The following CERS2 variants were observed in gnomAD, a reference collection of about 807,000 sequenced individuals.
CERS2 encodes the protein LAG1 homolog, ceramide synthase 2.
Under a neutral mutation model 56.6 loss-of-function variants are expected in CERS2, and 20 were observed. That is an observed-to-expected ratio of 0.35 (90% CI 0.25 to 0.51). The LOEUF is 0.51. Ranked by LOEUF, CERS2 falls within the 20% of genes least tolerant of loss-of-function variation. The pLI, the probability that CERS2 is intolerant of heterozygous loss-of-function variation, is 0.96. For synonymous variants in CERS2, 187 were observed against 175.4 expected (o/e 1.07, Z -0.52); for missense variants, 361 against 488.6 (o/e 0.74, Z 2.46).
intron 1 of CERS2, among the ~76,000 whole-genome samples, chr1:150,973,674 C>G (rs1671239233): frequency 1.3e-5 from 2 of 152,216 alleles, no homozygotes; most frequent in Admixed American, 1.3e-4. Flanking sequence ...CGGCAGCAAC[C>G]GCCACCCACC....
rs1341678888 is a variant in CERS2, at chr1:150,966,101, G to A, written c.*47C>T. ...ACCCTATAGCGCAGGGAGCGGGGTA[G>A]TTCCTTGGCTTTATGCATTAATCTG... On this transcript the variant is annotated 3_prime_UTR_variant, in exon 11 of 11. Coordinates refer to ENST00000368954, the MANE Select transcript of CERS2 (RefSeq NM_022075.5). 3 of 1,587,374 alleles carry A rather than the reference G, an allele frequency of 1.9e-6. No individual in the cohort carries two copies. The highest frequency in any genetic ancestry group is 2.6e-6 in the Non-Finnish European group (3 of 1,164,274).
chr1:150,965,585 C>G lies in CERS2; in HGVS notation c.*563G>C, dbSNP rs1049325134. The G allele has an allele frequency of 6.5e-6, 1 of 152,922 alleles. No homozygotes were observed. Among genetic ancestry groups the G allele is most frequent in the Non-Finnish European group, 1.5e-5 (1 of 68,292 alleles). The allele number at this position is 152,922 out of a possible 1,614,324, so 9.5% of individuals were successfully genotyped here. A position where few individuals can be genotyped will look rare whatever the true frequency, so the allele number is the denominator to read the frequency against. On this transcript the variant is annotated 3_prime_UTR_variant, in exon 11 of 11. Coordinates refer to ENST00000368954, the MANE Select transcript of CERS2 (RefSeq NM_022075.5). ...TCCGAGCAGTCCCCAGTACAGCCCC[C>G]ACTTTTTGGCAGAGGTAGGGTAAGG...
In CERS2 at chr1:150,967,252, A is replaced by T. The variant is rs1184456621; in HGVS notation, c.613-50T>A. 2.5e-6 allele frequency: 4 copies of T among 1,600,996 alleles called. No homozygotes were observed. In the South Asian group the frequency reaches 4.4e-5, roughly 18 times the overall value. ...GGCCTTTTTTTATTCCCCAGCTCTC[A>T]CTATGCCTTCTTACCCCTTGCCTTT... On this transcript the variant is annotated intron_variant, in intron 7 of 10. Coordinates refer to ENST00000368954, the MANE Select transcript of CERS2 (RefSeq NM_022075.5).
chr1:150,967,049 G>T, intron 8 of CERS2, 25 bp downstream of exon 8: 2 of 1,613,234 alleles, frequency 1.2e-6, no homozygotes, highest in East Asian at 2.2e-5. Context: ...CTGCACCAGG[G>T]TCTCTAGATT....
intron 1 of CERS2, chr1:150,971,974 T>C (rs888283357): frequency 1.9e-5 from 9 of 464,774 alleles, no homozygotes; most frequent in Non-Finnish European, 4.0e-5. Context: ...GGCAGGGATG[T>C]TTCTCTAGTC....
intron 1 of CERS2, chr1:150,969,300 C>T: frequency 1.8e-6 from 1 of 551,520 alleles, no homozygotes; most frequent in East Asian, 3.0e-5. Flanking sequence ...GTTAGGCCGG[C>T]CGTGATGGCT....
chr1:150,973,391 TGAA>T (rs1671231451), intron 1 of CERS2, among the ~76,000 whole-genome samples: 1 of 152,158 alleles, frequency 6.6e-6, no homozygotes, highest in Non-Finnish European at 1.5e-5. Context: ...GGGGCGGTGT[TGAA>T]GGACACAGTG....
chr1:150,974,381 C>A (rs1308714746), intron 1 of CERS2: 1 of 150,076 alleles, frequency 6.7e-6, no homozygotes, highest in East Asian at 2.0e-4. Context: ...GGCGCCAGGC[C>A]CGCCGGCCCC....
chr1:150,967,350 C>T, intron 7 of CERS2, 42 bp downstream of exon 7: 1 of 1,456,592 alleles, frequency 6.9e-7, no homozygotes, highest in South Asian at 1.1e-5. Context: ...CCCAGGGCCT[C>T]ATTTTGGCTC....
chr1:150,966,491 C>T lies in CERS2; in HGVS notation c.987G>A (p.Lys329=), dbSNP rs1211226458. ...AGGGCTTCACCTTTCCAGTTATGAA[C>T]TTGTGGGCCATGCGCAAAATGAGGT... ...WAYLILRMAH[K]FITGKLVEDE... Residue 329 remains lysine (K), a synonymous_variant, in exon 10 of 11, where the codon AAG becomes AAA. Transcript: ENST00000368954. 6.2e-7 allele frequency: 1 copy of T among 1,614,124 alleles called. No homozygotes were observed. The highest frequency in any genetic ancestry group is 1.7e-5 in the Admixed American group (1 of 60,020).
chr1:150,968,273 A>T, intron 3 of CERS2, 72 bp from the exon 4 acceptor site: 1 of 1,519,264 alleles, frequency 6.6e-7, no homozygotes, highest in Non-Finnish European at 9.1e-7. Flanking sequence ...CTCTCCCAGT[A>T]ACAACCTCAG....
Position 150,966,211 on chromosome 1 carries a change from T to G in CERS2, c.1080A>C (p.Ala360=), listed in dbSNP as rs147381709. 4.2e-5 allele frequency: 67 copies of G among 1,607,220 alleles called. No individual in the cohort carries two copies. The African/African-American group carries it at 7.9e-4, about 19-fold the overall frequency. The change falls in exon 11 of 11, where the codon GCA becomes GCC. Residue 360 remains alanine, a synonymous_variant. Transcript: ENST00000368954. ...GGCCATTGGCTAGGGGCCGGCTCTT[T>G]GCTCCTCCCCCAGCTGCAGCCTCCT... ...EGEEAAAGGG[A]KSRPLANGHP...
Position 150,966,044 on chromosome 1 carries a change from C to T in CERS2, c.*104G>A, listed in dbSNP as rs756174724. 7.4e-6 allele frequency: 9 copies of T among 1,216,896 alleles called. No individual in the cohort carries two copies. The highest frequency in any genetic ancestry group is 9.1e-6 in the Non-Finnish European group (8 of 882,070). 75.4% of individuals were successfully genotyped at this position (1,216,896 alleles called of 1,614,324 possible). On this transcript the variant is annotated 3_prime_UTR_variant, in exon 11 of 11. Transcript: ENST00000368954. ...GGGAGGATGCAGAGAACTCTCCTCT[C>T]ACTTTCTCCTTTTTCCCCAGAGCTT... is the stretch of plus-strand genomic sequence containing the variant.
chr1:150,966,380 G>A, intron 10 of CERS2, 92 bp from the exon 11 acceptor site: 1 of 1,597,430 alleles, frequency 6.3e-7, no homozygotes, highest in Admixed American at 1.7e-5. Context: ...TTATACCCAG[G>A]GCTCCACACT....
chr1:150,974,586 G>A (rs1671274107), intron 1 of CERS2, 33 bp downstream of exon 1: 2 of 149,382 alleles, frequency 1.3e-5, no homozygotes, highest in Middle Eastern at 3.4e-3. Flanking sequence ...CCCCCGCGCG[G>A]GGCTCGGGCG....
At chr1:150,974,546 G>C (rs1283977827) in intron 1 of CERS2, 73 bp downstream of exon 1, 1 of 148,922 alleles carries the variant, frequency 6.7e-6, no homozygotes, top group African/African-American at 2.4e-5. Flanking sequence ...CGGCACCCGG[G>C]GCTCCCAACT....
chr1:150,967,895 A>C lies in CERS2; in HGVS notation c.411-18T>G, dbSNP rs147617840. 1 of 1,604,232 alleles carries C rather than the reference A, an allele frequency of 6.2e-7. No individual in the cohort carries two copies. Among genetic ancestry groups the C allele is most frequent in the Non-Finnish European group, 8.5e-7 (1 of 1,171,414 alleles). On this transcript the variant is annotated intron_variant, in intron 4 of 10. Transcript: ENST00000368954. ...ATCTCCAGCTGGCAGAGGAAGCAGA[A>C]ATGGCTAGGTCAGAGGATAGCACAG...
Position 150,966,221 on chromosome 1 carries a change from C to G in CERS2, c.1070G>C (p.Gly357Ala), listed in dbSNP as rs753978441. The G allele has an allele frequency of 6.2e-7, 1 of 1,607,476 alleles. No homozygotes were observed. Among genetic ancestry groups the G allele is most frequent in the Admixed American group, 1.7e-5 (1 of 57,346 alleles). Residue 357 changes from glycine to alanine, a missense_variant, in exon 11 of 11, where the codon GGG becomes GCG. By Grantham distance (60) the Gly-to-Ala change is moderately conservative. Coordinates refer to ENST00000368954, the MANE Select transcript of CERS2 (RefSeq NM_022075.5). ...TAGGGGCCGGCTCTTTGCTCCTCCC[C>G]CAGCTGCAGCCTCCTCCCCCTCTGA... ...ESSEGEEAAAGGGAKSRPLAN... is the reference protein window; with the variant it reads ...ESSEGEEAAAAGGAKSRPLAN...
chr1:150,966,717 TTTC>T, intron 9 of CERS2, 36 bp downstream of exon 9: 1 of 1,603,576 alleles, frequency 6.2e-7, no homozygotes, highest in Non-Finnish European at 8.5e-7. Context: ...AGGCTCCTGA[TTTC>T]TTCAGAACAG....
Sources: allele counts gnomAD v4.1 joint callset (sites outside exome capture counted in the v4.1 genomes callset), GRCh38; gene constraint gnomAD v4.1.1; transcripts MANE v1.5; gene names NCBI Gene and HGNC (gene_info 2026-07-23, HGNC 2026-07-21).